Variants in CDH20 observed in about 807,000 individuals in gnomAD.
The protein encoded by CDH20 is cadherin 20, also known as cadherin-20.
In CDH20, 29 loss-of-function variants were observed where a neutral mutation model predicts 74.2. The ratio of observed to expected loss-of-function variants is 0.39; its 90% CI spans 0.29 to 0.53. CDH20 has a LOEUF of 0.53. Ranked by LOEUF, CDH20 falls within the 20% of genes least tolerant of loss-of-function variation. CDH20 has a pLI of 0.69. For synonymous variants in CDH20, 469 were observed against 405.4 expected (o/e 1.16, Z -1.88); for missense variants, 988 against 1,048.3 (o/e 0.94, Z 0.79).
chr18:61,371,051 A>G (rs564278397), intron 1 of CDH20, among the ~76,000 whole-genome samples: 1 of 152,130 alleles, frequency 6.6e-6, no homozygotes, highest in Non-Finnish European at 1.5e-5. Flanking sequence ...TGATGGGGCC[A>G]TGATCTCAGA....
chr18:61,420,643 A>G (rs1283347567), intron 1 of CDH20, among the ~76,000 whole-genome samples: 1 of 152,168 alleles, frequency 6.6e-6, no homozygotes, highest in Non-Finnish European at 1.5e-5. Flanking sequence ...CTGGAACTGC[A>G]GTGGTACACA....
chr18:61,543,375 GA>G (rs1913109093), intron 9 of CDH20, among the ~76,000 whole-genome samples: 1 of 152,190 alleles, frequency 6.6e-6, no homozygotes, highest in Admixed American at 6.5e-5. Flanking sequence ...AGATGGGTAG[GA>G]ATAGTCTGTG....
At chr18:61,531,343 A>G (rs994984093) in intron 7 of CDH20, among the ~76,000 whole-genome samples, 1 of 152,176 alleles carries the variant, frequency 6.6e-6, no homozygotes, top group Non-Finnish European at 1.5e-5. Flanking sequence ...CTGCTTTCTC[A>G]TAGGCTGCCT....
chr18:61,403,096 A>T (rs1464389856), intron 1 of CDH20, among the ~76,000 whole-genome samples: 4 of 152,174 alleles, frequency 2.6e-5, no homozygotes, highest in Non-Finnish European at 4.4e-5. Context: ...AAGATCTTAT[A>T]AATAGTGTCA....
In CDH20 at chr18:61,515,362, C is replaced by T. The variant is rs1051660437; in HGVS notation, c.1017+7802C>T. On this transcript the variant is annotated intron_variant, in intron 6 of 11. Coordinates refer to ENST00000262717, the MANE Select transcript of CDH20 (RefSeq NM_031891.4). The stretch of plus-strand genomic sequence containing the variant: ...CAATGCCTCGCCCTGCTTCGGCTCG[C>T]GCACGGTGCACGCACCCACTGACCT... Among the ~76,000 whole-genome samples, 400 of 152,148 alleles carry T rather than the reference C, an allele frequency of 2.6e-3. 1 individual carries two copies. The highest frequency in any genetic ancestry group is 4.8e-3 in the South Asian group (23 of 4,820).
At chr18:61,496,643 C>G (rs574501225) in intron 2 of CDH20, among the ~76,000 whole-genome samples, 1 of 152,286 alleles carries the variant, frequency 6.6e-6, no homozygotes, top group South Asian at 2.1e-4. Context: ...AGCGCGCTCA[C>G]CTGCGGCCTG....
intron 1 of CDH20, among the ~76,000 whole-genome samples, chr18:61,451,622 G>T (rs1454784822): frequency 6.6e-6 from 1 of 151,974 alleles, no homozygotes; most frequent in African/African-American, 2.4e-5. Flanking sequence ...ACAAGGGTGA[G>T]AAATAGTTTA....
At chr18:61,500,280 T>A in intron 3 of CDH20, 103 bp from the exon 4 acceptor site, 1 of 1,237,564 alleles carries the variant, frequency 8.1e-7, no homozygotes, top group Admixed American at 2.2e-5. Context: ...ACTCTCCCAA[T>A]GAAGCAAACA....
chr18:61,395,410 GTCATCTTCATCTGC>G (rs1911930974), intron 1 of CDH20, among the ~76,000 whole-genome samples: 5 of 152,288 alleles, frequency 3.3e-5, no homozygotes, highest in African/African-American at 9.6e-5. Flanking sequence ...TTAGGACTGA[GTCATCTTCATCTGC>G]ACCTTAATGA....
chr18:61,425,086 C>T (rs962775137), intron 1 of CDH20, among the ~76,000 whole-genome samples: 5 of 139,162 alleles, frequency 3.6e-5, no homozygotes, highest in African/African-American at 1.4e-4. Context: ...TCACTCACTC[C>T]GGCTCTAGGT....
At chr18:61,456,532 C>T (rs748870141) in intron 1 of CDH20, among the ~76,000 whole-genome samples, 6 of 151,890 alleles carry the variant, frequency 4.0e-5, no homozygotes, top group Non-Finnish European at 5.9e-5. Context: ...AATATAATTA[C>T]ATAACTTTGT....
chr18:61,358,663 T>C (rs1219569288), intron 1 of CDH20, among the ~76,000 whole-genome samples: 1 of 152,178 alleles, frequency 6.6e-6, no homozygotes, highest in Non-Finnish European at 1.5e-5. Context: ...TTGACCCTTC[T>C]CTTCACTACA....
chr18:61,386,783 A>G (rs1911614707), intron 1 of CDH20, among the ~76,000 whole-genome samples: 1 of 152,176 alleles, frequency 6.6e-6, no homozygotes, highest in Admixed American at 6.5e-5. Flanking sequence ...CTATCTCAAA[A>G]CGTAAATATC....
At chr18:61,352,371 G>A (rs1283082722) in intron 1 of CDH20, among the ~76,000 whole-genome samples, 1 of 152,174 alleles carries the variant, frequency 6.6e-6, no homozygotes, top group Non-Finnish European at 1.5e-5. Flanking sequence ...ATCACATATG[G>A]CAAGAGTGCT....
intron 1 of CDH20, among the ~76,000 whole-genome samples, chr18:61,488,139 G>A (rs953762936): frequency 2.7e-4 from 41 of 151,376 alleles, no homozygotes; most frequent in Non-Finnish European, 3.8e-4. Flanking sequence ...TTTAATCAAC[G>A]CAATCCGCAA....
chr18:61,553,247 A>G (rs1224404679), intron 11 of CDH20, among the ~76,000 whole-genome samples: 1 of 144,576 alleles, frequency 6.9e-6, no homozygotes, highest in Non-Finnish European at 1.5e-5. Context: ...TTCACCAGCT[A>G]TAACAAAGCA....
intron 1 of CDH20, among the ~76,000 whole-genome samples, chr18:61,481,204 C>T (rs1378287719): frequency 1.3e-5 from 2 of 152,050 alleles, no homozygotes; most frequent in Admixed American, 1.3e-4. Context: ...TAAATAATTA[C>T]AATACAGAAT....
intron 6 of CDH20, among the ~76,000 whole-genome samples, chr18:61,520,133 G>A (rs1366489059): frequency 6.7e-6 from 1 of 150,318 alleles, no homozygotes; most frequent in South Asian, 2.1e-4. Flanking sequence ...TGGCTAACAC[G>A]ATGAAACCCC....
intron 1 of CDH20, among the ~76,000 whole-genome samples, chr18:61,442,077 C>A (rs1909049929): frequency 6.6e-6 from 1 of 151,978 alleles, no homozygotes; most frequent in Non-Finnish European, 1.5e-5. Context: ...AAACAAAACC[C>A]AAATGGACAT....
Sources: gnomAD v4.1 joint callset for allele counts (sites outside exome capture counted in the v4.1 genomes callset) on GRCh38, gnomAD v4.1.1 for gene constraint, MANE v1.5 for transcripts, NCBI Gene and HGNC (gene_info 2026-07-23, HGNC 2026-07-21) for gene names.